Variants in SLC30A10 observed in about 807,000 individuals in gnomAD.
SLC30A10 encodes solute carrier family 30 member 10, also known as calcium/manganese antiporter SLC30A10.
Under a neutral mutation model 21.7 loss-of-function variants are expected in SLC30A10, and 8 were observed. The ratio of observed to expected loss-of-function variants is 0.37; its 90% CI spans 0.22 to 0.67. SLC30A10 has a LOEUF of 0.67. Among genes scored for constraint, SLC30A10 ranks in the 30% least tolerant of loss-of-function variants. The probability of loss-of-function intolerance (pLI) is 0.58; values close to 1 mark genes in which losing one functional copy is unlikely to be tolerated. For synonymous variants in SLC30A10, 272 were observed against 279.4 expected, an observed-to-expected ratio of 0.97 and a Z score of 0.26; for missense variants, 521 against 642.5, an observed-to-expected ratio of 0.81 and a Z score of 2.04.
chr1:219,924,063 A>G (rs1484449073), intron 2 of SLC30A10, among the ~76,000 whole-genome samples: 1 of 152,240 alleles, frequency 6.6e-6, no homozygotes, highest in East Asian at 1.9e-4. Context: ...TTCATCTCAA[A>G]AAACAAAACA....
At chr1:219,926,472 G>GCTTCCAAC in intron 2 of SLC30A10, among the ~76,000 whole-genome samples, 1 of 152,028 alleles carries the variant, frequency 6.6e-6, no homozygotes, top group South Asian at 2.1e-4. Flanking sequence ...TTAGTCCAGT[G>GCTTCCAAC]CTTCCGACCT....
Position 219,911,903 on chromosome 1 carries a change from T to C in SLC30A10, c.*3546A>G, listed in dbSNP as rs1447146065. Among the ~76,000 whole-genome samples, 1 of 152,072 alleles carries C rather than the reference T, an allele frequency of 6.6e-6. No homozygotes were observed. The highest frequency in any genetic ancestry group is 1.5e-5 in the Non-Finnish European group (1 of 68,028). ...CTTCGGGGGACAGTACCGGCATTTA[T>C]GCATAGCGGTCAGGGGTGCAGCTAA... On this transcript the variant is annotated 3_prime_UTR_variant, in exon 4 of 4. Coordinates refer to ENST00000366926, the MANE Select transcript of SLC30A10 (RefSeq NM_018713.3).
At position 219,913,164 on chromosome 1, in the gene SLC30A10, AC is replaced by A. The variant is rs1426906944; in HGVS notation, c.*2284del. Among the ~76,000 whole-genome samples the A allele has an allele frequency of 2.6e-5, 4 of 152,258 alleles. No individual in the cohort carries two copies. Among genetic ancestry groups the A allele is most frequent in the Non-Finnish European group, 5.9e-5 (4 of 68,048 alleles). ...ACAGGTGGCAAATGCAAGCCACTCA[AC>A]CCAATACAAAATTATTGCACTTAGC... On this transcript the variant is annotated 3_prime_UTR_variant, in exon 4 of 4. Transcript: ENST00000366926.
In SLC30A10 at chr1:219,913,025, G is replaced by A. The variant is rs904295300; in HGVS notation, c.*2424C>T. 6.6e-6 allele frequency among the ~76,000 whole-genome samples: 1 copy of A among 152,078 alleles called. No individual in the cohort carries two copies. The highest frequency in any genetic ancestry group is 2.4e-5 in the African/African-American group (1 of 41,340). ...GCTGCTACTGCCACCAAGCAGGGCT[G>A]ATTTAAAGGGAAAAAGAAAACTCTT... On this transcript the variant is annotated 3_prime_UTR_variant, in exon 4 of 4. Transcript: ENST00000366926.
chr1:219,948,945 G>A (rs375455779), intron 1 of SLC30A10, among the ~76,000 whole-genome samples: 25,391 of 151,922 alleles, frequency 0.17, 3,864 homozygotes, highest in African/African-American at 0.41. Flanking sequence ...AAAAGTGGGC[G>A]AAGGACATGA....
intron 1 of SLC30A10, among the ~76,000 whole-genome samples, chr1:219,958,279 A>G (rs1660378744): frequency 6.6e-5 from 10 of 152,158 alleles, no homozygotes; most frequent in Admixed American, 6.5e-4. Flanking sequence ...CTCTGTGGCT[A>G]CGATTAGTGC....
upstream of SLC30A10, among the ~76,000 whole-genome samples, chr1:219,930,321 T>TA (rs916272089): frequency 8.6e-5 from 13 of 151,328 alleles, no homozygotes; most frequent in African/African-American, 2.7e-4. Flanking sequence ...AAAATAAAAA[T>TA]AAAAAAAATT....
intron 1 of SLC30A10, among the ~76,000 whole-genome samples, chr1:219,947,795 A>G (rs1571812852): frequency 6.6e-6 from 1 of 152,214 alleles, no homozygotes; most frequent in East Asian, 1.9e-4. Context: ...ACACCATTGC[A>G]CTCCAGCCTG....
intron 1 of SLC30A10, among the ~76,000 whole-genome samples, chr1:219,933,713 G>A (rs1442517378): frequency 6.6e-6 from 1 of 152,208 alleles, no homozygotes; most frequent in Non-Finnish European, 1.5e-5. Flanking sequence ...TAGAGAGACA[G>A]CAGAATATTT....
At chr1:219,951,997 T>C (rs1660279215) in intron 1 of SLC30A10, among the ~76,000 whole-genome samples, 1 of 152,144 alleles carries the variant, frequency 6.6e-6, no homozygotes, top group Non-Finnish European at 1.5e-5. Flanking sequence ...TTTGTACGGT[T>C]TGTAGAAATA....
chr1:219,916,158 G>A (rs2102524913), intron 3 of SLC30A10, among the ~76,000 whole-genome samples: 1 of 152,294 alleles, frequency 6.6e-6, no homozygotes, highest in South Asian at 2.1e-4. Flanking sequence ...AGTCATTTAA[G>A]AAAGTAAGTC....
rs1659407797 is a variant in SLC30A10, at chr1:219,911,166, T to TTTTTTTTTG, written c.*4274_*4282dup. On this transcript the variant is annotated 3_prime_UTR_variant, in exon 4 of 4. Transcript: ENST00000366926. ...CTACATCAGTTTTTTTTTTTTTTTT[T>TTTTTTTTTG]TTTTTTTTGCAGTCTTTTACTACAG... Among the ~76,000 whole-genome samples the TTTTTTTTTG allele has an allele frequency of 7.0e-6, 1 of 142,134 alleles. No individual in the cohort carries two copies. Among genetic ancestry groups the TTTTTTTTTG allele is most frequent in the African/African-American group, 2.7e-5 (1 of 37,210 alleles). 93.2% of individuals were successfully genotyped at this position (142,134 alleles called of 152,430 possible).
intron 1 of SLC30A10, chr1:219,958,504 C>G (rs1248730961): frequency 6.6e-6 from 1 of 152,640 alleles, no homozygotes; most frequent in Non-Finnish European, 1.5e-5. Flanking sequence ...CACAAAGGCC[C>G]CCTCAGACAG....
upstream of SLC30A10, among the ~76,000 whole-genome samples, chr1:219,932,862 G>C (rs1248100460): frequency 1.3e-5 from 2 of 151,210 alleles, no homozygotes; most frequent in Non-Finnish European, 2.9e-5. Flanking sequence ...AGGAGTTTGA[G>C]ATCAGCCTGA....
chr1:219,919,186 C>A (rs983535782), intron 2 of SLC30A10, among the ~76,000 whole-genome samples: 1 of 152,168 alleles, frequency 6.6e-6, no homozygotes, highest in Non-Finnish European at 1.5e-5. Flanking sequence ...ATATAGAACA[C>A]ATGCATTCCT....
At chr1:219,957,873 T>C (rs187722344) in intron 1 of SLC30A10, among the ~76,000 whole-genome samples, 23 of 152,348 alleles carry the variant, frequency 1.5e-4, no homozygotes, top group African/African-American at 4.6e-4. Flanking sequence ...TTCCATTCTT[T>C]TGACAGATAA....
chr1:219,955,089 G>A (rs942623659), intron 1 of SLC30A10, among the ~76,000 whole-genome samples: 2 of 152,126 alleles, frequency 1.3e-5, no homozygotes, highest in Non-Finnish European at 2.9e-5. Context: ...ACGTATAAAC[G>A]TTAACAAAAG....
In SLC30A10 at chr1:219,917,489, C is replaced by G. The variant is rs555506922; in HGVS notation, c.958+766G>C. ...CCCACCACCTGCTCTGCCTGCAGCT[C>G]TGGGCAGTGTTGTGAGAGACACAGT... On this transcript the variant is annotated intron_variant, in intron 3 of 3. Coordinates refer to ENST00000366926, the MANE Select transcript of SLC30A10 (RefSeq NM_018713.3). 1.6e-4 allele frequency among the ~76,000 whole-genome samples: 24 copies of G among 152,222 alleles called. No individual in the cohort carries two copies. The South Asian group carries it at 4.8e-3, about 30-fold the overall frequency.
rs1383008313 is a variant in SLC30A10, at chr1:219,927,824, GC to G, written c.616del (p.Ala206ArgfsTer7). On this transcript the variant is annotated frameshift_variant, in exon 1 of 4. Coordinates refer to ENST00000366926, the MANE Select transcript of SLC30A10 (RefSeq NM_018713.3). LOFTEE classifies it high-confidence loss of function. Reference sequence around the variant, plus strand: ...ACCTGCTACGTTTGCGAACACGGTCGCCCCCTTCTCCCGCTTCCTTTCCACC... The same window carrying G: ...ACCTGCTACGTTTGCGAACACGGTCGCCCCTTCTCCCGCTTCCTTTCCACC... ...TSVERKREKGATVFANVAGDS... is the reference protein window; with the variant it reads ...TSVERKREKGXTVFANVAGDS... 6.5e-7 allele frequency: 1 copy of G among 1,546,310 alleles called. No homozygotes were observed. The highest frequency in any genetic ancestry group is 8.7e-7 in the Non-Finnish European group (1 of 1,146,692).
Sources: allele counts gnomAD v4.1 joint callset (sites outside exome capture counted in the v4.1 genomes callset), GRCh38; gene constraint gnomAD v4.1.1; transcripts MANE v1.5; gene names NCBI Gene and HGNC (gene_info 2026-07-23, HGNC 2026-07-21).